The following DSE variants were observed in gnomAD, a reference collection of about 807,000 sequenced individuals.
DSE encodes the protein dermatan sulfate epimerase.
Under a neutral mutation model 84.4 loss-of-function variants are expected in DSE, and 36 were observed. The ratio of observed to expected loss-of-function variants is 0.43; its 90% CI spans 0.33 to 0.56. DSE has a LOEUF of 0.56. Ranked by LOEUF, DSE falls within the 20% of genes least tolerant of loss-of-function variation. DSE has a pLI of 0.06. For synonymous variants in DSE, 410 were observed against 430.1 expected (o/e 0.95, Z 0.58); for missense variants, 862 against 1,169.6 (o/e 0.74, Z 3.84).
At chr6:116,377,118 C>T (rs1779973515) in intron 1 of DSE, among the ~76,000 whole-genome samples, 1 of 152,158 alleles carries the variant, frequency 6.6e-6, no homozygotes, top group Admixed American at 6.5e-5. Context: ...AGAAGCTGTC[C>T]TTTAAATCTT....
intron 2 of DSE, among the ~76,000 whole-genome samples, chr6:116,338,146 T>C (rs557057363): frequency 6.7e-6 from 1 of 150,118 alleles, no homozygotes; most frequent in Admixed American, 6.7e-5. Context: ...TTTTGCATCC[T>C]TTCTTTGTGC....
upstream of DSE, chr6:116,369,855 G>A: frequency 8.0e-7 from 1 of 1,248,330 alleles, no homozygotes; most frequent in Non-Finnish European, 1.1e-6. Flanking sequence ...AGAGGAATTG[G>A]ATGGAGGTGC....
chr6:116,277,322 C>T (rs899760258), intron 2 of DSE: 9 of 152,624 alleles, frequency 5.9e-5, no homozygotes, highest in African/African-American at 2.2e-4. Flanking sequence ...TTCCATTCAT[C>T]ATCATTGGGG....
chr6:116,436,171 T>A lies in DSE; in HGVS notation c.1703T>A (p.Leu568His), dbSNP rs774374403. Residue 568 changes from leucine to histidine, a missense_variant, in exon 6 of 6, where the codon CTT becomes CAT. Coordinates refer to ENST00000644252, the MANE Select transcript of DSE (RefSeq NM_013352.4). ...LILLHPQLLL[L>H]VDQIHLGEES... ...CTCCTACATCCACAGCTGCTTCTCC[T>A]TGTAGACCAAATACACCTGGGAGAG... is the stretch of plus-strand genomic sequence containing the variant. 1 of 1,613,456 alleles carries A rather than the reference T, an allele frequency of 6.2e-7. No individual in the cohort carries two copies. The highest frequency in any genetic ancestry group is 2.2e-5 in the East Asian group (1 of 44,874).
chr6:116,386,016 T>C (rs1780558686), intron 1 of DSE, among the ~76,000 whole-genome samples: 1 of 152,220 alleles, frequency 6.6e-6, no homozygotes, highest in Non-Finnish European at 1.5e-5. Context: ...ATAAATTACT[T>C]TCCAATGAAC....
intron 2 of DSE, among the ~76,000 whole-genome samples, chr6:116,315,164 C>A (rs568869447): frequency 1.3e-5 from 2 of 152,216 alleles, no homozygotes; most frequent in East Asian, 3.9e-4. Flanking sequence ...GAAGGAATAG[C>A]CACTAACACT....
chr6:116,371,175 CG>C (rs982436643), intron 1 of DSE, 54 bp downstream of exon 1: 1 of 985,582 alleles, frequency 1.0e-6, no homozygotes, highest in Admixed American at 6.1e-5. Context: ...CAACTTTCTT[CG>C]GGAGTTTCGG....
chr6:116,378,803 T>C (rs1462202479), intron 1 of DSE, among the ~76,000 whole-genome samples: 1 of 152,176 alleles, frequency 6.6e-6, no homozygotes, highest in Admixed American at 6.5e-5. Flanking sequence ...TTGTTTTTTT[T>C]AAGTCTTGTC....
intron 1 of DSE, among the ~76,000 whole-genome samples, chr6:116,379,061 A>G (rs946048068): frequency 1.3e-5 from 2 of 152,196 alleles, no homozygotes; most frequent in East Asian, 3.8e-4. Context: ...TGTTAAGAAG[A>G]TGCAATCTCC....
At chr6:116,297,475 C>T (rs1774741105) in intron 2 of DSE, among the ~76,000 whole-genome samples, 1 of 152,158 alleles carries the variant, frequency 6.6e-6, no homozygotes, top group African/African-American at 2.4e-5. Context: ...TAATTCCTGA[C>T]CCAACATCAG....
At chr6:116,389,501 T>G (rs1460702112) in intron 1 of DSE, among the ~76,000 whole-genome samples, 1 of 152,162 alleles carries the variant, frequency 6.6e-6, no homozygotes, top group African/African-American at 2.4e-5. Flanking sequence ...AGATAGCTTG[T>G]CCAAAGTCAT....
intron 2 of DSE, among the ~76,000 whole-genome samples, chr6:116,299,543 T>C (rs1383464592): frequency 0.029 from 805 of 27,428 alleles, 50 homozygotes; most frequent in Middle Eastern, 0.043. Flanking sequence ...TATATATATA[T>C]ATATATATAC....
intron 2 of DSE, among the ~76,000 whole-genome samples, chr6:116,324,147 G>A (rs551096393): frequency 5.9e-5 from 9 of 152,220 alleles, no homozygotes; most frequent in African/African-American, 1.9e-4. Flanking sequence ...TTAACATGTG[G>A]GAAACACAAG....
chr6:116,432,648 T>C (rs1285452185), intron 4 of DSE: 1 of 151,936 alleles, frequency 6.6e-6, no homozygotes, highest in South Asian at 2.1e-4. Context: ...GATACTCTAG[T>C]AGCAATTTTT....
Position 116,379,450 on chromosome 6 carries a change from T to C in DSE, c.-54+8329T>C, listed in dbSNP as rs116683323. On this transcript the variant is annotated intron_variant, in intron 1 of 5. Coordinates refer to ENST00000644252, the MANE Select transcript of DSE (RefSeq NM_013352.4). The stretch of plus-strand genomic sequence containing the variant: ...TTGCTGGCCCCTTTAGTTTCCAGAT[T>C]ACTCCTAGTTCTCTTCCTCCTCTAT... Among the ~76,000 whole-genome samples the C allele has an allele frequency of 2.9e-3, 448 of 152,314 alleles. 5 individuals are homozygous for C. Among genetic ancestry groups the C allele is most frequent in the African/African-American group, 0.01 (428 of 41,576 alleles).
intron 2 of DSE, among the ~76,000 whole-genome samples, chr6:116,407,658 C>G (rs567050239): frequency 2.0e-5 from 3 of 152,300 alleles, no homozygotes; most frequent in East Asian, 3.9e-4. Context: ...TCTCTTCCCT[C>G]CCCTTGCTCT....
chr6:116,302,548 G>A (rs932712917), intron 2 of DSE, among the ~76,000 whole-genome samples: 2 of 152,122 alleles, frequency 1.3e-5, no homozygotes, highest in African/African-American at 2.4e-5. Flanking sequence ...TTAGCCCTTT[G>A]TCAGATGGAT....
intron 2 of DSE, among the ~76,000 whole-genome samples, chr6:116,316,098 C>T (rs1775960787): frequency 6.6e-6 from 1 of 152,046 alleles, no homozygotes; most frequent in Non-Finnish European, 1.5e-5. Flanking sequence ...CCCAAGTGAA[C>T]TTAGTTTGCA....
intron 3 of DSE, among the ~76,000 whole-genome samples, chr6:116,428,879 G>T (rs1030622069): frequency 2.0e-5 from 3 of 152,254 alleles, no homozygotes; most frequent in Admixed American, 6.5e-5. Flanking sequence ...AGGTATTCGG[G>T]TGGCAGAAAA....
Sources: allele counts gnomAD v4.1 joint callset (sites outside exome capture counted in the v4.1 genomes callset), GRCh38; gene constraint gnomAD v4.1.1; transcripts MANE v1.5; gene names NCBI Gene and HGNC (gene_info 2026-07-23, HGNC 2026-07-21).